The following ERCC1 variants were observed in gnomAD, a reference collection of about 807,000 sequenced individuals.
ERCC1 encodes DNA excision repair protein ERCC-1.
ERCC1 carries 36 observed loss-of-function variants against 37.6 expected under a neutral mutation model. That is an observed-to-expected ratio of 0.96 (90% CI 0.73 to 1.26). ERCC1 has a LOEUF of 1.26. Ranked by LOEUF, ERCC1 falls within the 50% of genes most tolerant of loss-of-function variation. ERCC1 has a pLI of 0.00. For missense variants in ERCC1, 349 were observed against 376.5 expected, an observed-to-expected ratio of 0.93 and a Z score of 0.60; for synonymous variants, 156 against 162.1, an observed-to-expected ratio of 0.96 and a Z score of 0.28.
chr19:45,416,463 C>T (rs1974073177), intron 6 of ERCC1: 1 of 259,216 alleles, frequency 3.9e-6, no homozygotes, highest in Non-Finnish European at 7.6e-6. Flanking sequence ...CCAGCCTGGC[C>T]AACATGGCAA....
chr19:45,437,970 C>G (rs1037974853), intron 1 of ERCC1, among the ~76,000 whole-genome samples: 5 of 151,208 alleles, frequency 3.3e-5, no homozygotes, highest in Non-Finnish European at 7.4e-5. Context: ...TGCAGTGGCA[C>G]AATCTCGGCT....
At chr19:45,414,476 CAAAAA>C in intron 7 of ERCC1, 2 of 246,798 alleles carry the variant, frequency 8.1e-6, no homozygotes. Context: ...GACTCCATCT[CAAAAA>C]AAAAAAAAAG....
At chr19:45,427,153 CAAAA>C (rs372188862), upstream of ERCC1, among the ~76,000 whole-genome samples, 92 of 150,990 alleles carry the variant, frequency 6.1e-4, 2 homozygotes, top group South Asian at 0.018. Context: ...AACAAACAAA[CAAAA>C]AAACGAAAGA....
intron 8 of ERCC1, 102 bp from the exon 9 acceptor site, chr19:45,413,847 G>C: frequency 6.3e-7 from 1 of 1,587,458 alleles, no homozygotes; most frequent in Non-Finnish European, 8.6e-7. Flanking sequence ...ATGAGGGCCT[G>C]TGGGAAGGCA....
intron 1 of ERCC1, among the ~76,000 whole-genome samples, chr19:45,431,769 C>T (rs970057590): frequency 3.3e-5 from 5 of 151,322 alleles, no homozygotes; most frequent in East Asian, 1.9e-4. Flanking sequence ...CGCGTGCCTA[C>T]GTTCTCAGCT....
upstream of ERCC1, among the ~76,000 whole-genome samples, chr19:45,426,837 G>C (rs1317727519): frequency 2.0e-5 from 3 of 151,538 alleles, no homozygotes; most frequent in Non-Finnish European, 2.9e-5. Context: ...GCTCATGCCT[G>C]TAATCCCAGC....
chr19:45,416,697 G>A, intron 6 of ERCC1, 124 bp downstream of exon 6: 1 of 727,432 alleles, frequency 1.4e-6, no homozygotes, highest in South Asian at 1.5e-5. Flanking sequence ...GAAGGCCAGA[G>A]AGAGGCAGTG....
chr19:45,434,785 T>C (rs930354924), intron 1 of ERCC1, among the ~76,000 whole-genome samples: 5 of 149,534 alleles, frequency 3.3e-5, no homozygotes, highest in African/African-American at 1.2e-4. Context: ...ATTTTTATTG[T>C]TTTTTTTGAG....
intron 1 of ERCC1, among the ~76,000 whole-genome samples, chr19:45,438,375 C>T (rs923367580): frequency 2.0e-5 from 3 of 152,122 alleles, no homozygotes; most frequent in African/African-American, 7.2e-5. Flanking sequence ...GCCCTGACAT[C>T]TTGATGTCAA....
Position 45,408,186 on chromosome 19 carries a change from T to C in ERCC1, c.*1489A>G, listed in dbSNP as rs1167269845. 9.9e-6 allele frequency: 16 copies of C among 1,612,744 alleles called. No individual in the cohort carries two copies. The highest frequency in any genetic ancestry group is 1.3e-5 in the African/African-American group (1 of 74,926). On this transcript the variant is annotated 3_prime_UTR_variant, in exon 10 of 10. Transcript: ENST00000300853. ...GGCTCCCAGATCGTCAAGGGCAAAT[T>C]GGCAGGCAAGCGGCACCGCTATCGA...
At chr19:45,439,173 G>A (rs940255890) in intron 1 of ERCC1, among the ~76,000 whole-genome samples, 2 of 151,960 alleles carry the variant, frequency 1.3e-5, no homozygotes, top group African/African-American at 4.8e-5. Context: ...GCGACAGAGC[G>A]AGACTCTGTC....
chr19:45,412,023 ATTTT>A (rs947671887), intron 9 of ERCC1, among the ~76,000 whole-genome samples: 1 of 149,120 alleles, frequency 6.7e-6, no homozygotes, highest in Non-Finnish European at 1.5e-5. Context: ...CACCCAGCTA[ATTTT>A]TTTTTGTATT....
At chr19:45,414,062 C>T (rs770130436) in intron 7 of ERCC1, 28 bp from the exon 8 acceptor site, 94 of 1,597,996 alleles carry the variant, frequency 5.9e-5, no homozygotes, top group Non-Finnish European at 7.4e-5. Flanking sequence ...AGGAGTGTGT[C>T]GGAAGAAGAA....
chr19:45,411,049 T>G (rs1473167373), intron 9 of ERCC1, among the ~76,000 whole-genome samples: 1 of 152,092 alleles, frequency 6.6e-6, no homozygotes, highest in African/African-American at 2.4e-5. Context: ...GTCTTGAACT[T>G]CTGGCCTCAA....
chr19:45,430,073 C>A (rs111988651), intron 1 of ERCC1, among the ~76,000 whole-genome samples: 8 of 152,282 alleles, frequency 5.3e-5, no homozygotes, highest in African/African-American at 1.4e-4. Flanking sequence ...CATGAGCCAC[C>A]GCGTCCAGCC....
chr19:45,409,470 A>C lies in ERCC1; in HGVS notation c.*205T>G. 2 of 1,611,624 alleles carry C rather than the reference A, an allele frequency of 1.2e-6. No individual in the cohort carries two copies. Among genetic ancestry groups the C allele is most frequent in the South Asian group, 2.2e-5 (2 of 90,894 alleles). Reference sequence around the variant, plus strand: ...GAGGCTCCCACAGGCCGGGACAAGAAGCGGAAGCAGCAGCAGCAGCAGCCT... The same window carrying C: ...GAGGCTCCCACAGGCCGGGACAAGACGCGGAAGCAGCAGCAGCAGCAGCCT... On this transcript the variant is annotated 3_prime_UTR_variant, in exon 10 of 10. Coordinates refer to ENST00000300853, the MANE Select transcript of ERCC1 (RefSeq NM_001983.4).
chr19:45,409,136 G>A lies in ERCC1; in HGVS notation c.*539C>T, dbSNP rs762751719. 5 of 1,613,050 alleles carry A rather than the reference G, an allele frequency of 3.1e-6. No homozygotes were observed. In the African/African-American group the frequency reaches 5.3e-5, roughly 17 times the overall value. The stretch of plus-strand genomic sequence containing the variant: ...AGCTCCCAAAAAGAAGACGAAGAAA[G>A]AAAAACAGCAAGATGCCACAGTGGA... On this transcript the variant is annotated 3_prime_UTR_variant, in exon 10 of 10. Transcript: ENST00000300853.
At position 45,420,829 on chromosome 19, in the gene ERCC1, G is replaced by A. The variant is rs928763019; in HGVS notation, c.321+349C>T. ...GTAGAGATGGGGTGTCACCATATTCGCCAGACTGGTCTCGAACTCCTGACC... is the reference window on the plus strand; with the variant it reads ...GTAGAGATGGGGTGTCACCATATTCACCAGACTGGTCTCGAACTCCTGACC... On this transcript the variant is annotated intron_variant, in intron 3 of 9. Coordinates refer to ENST00000300853, the MANE Select transcript of ERCC1 (RefSeq NM_001983.4). The surrounding 1 kb of genome is among the most constrained non-coding windows in gnomAD (Gnocchi z 4.8). 6.6e-6 allele frequency among the ~76,000 whole-genome samples: 1 copy of A among 152,030 alleles called. No homozygotes were observed. Among genetic ancestry groups the A allele is most frequent in the African/African-American group, 2.4e-5 (1 of 41,398 alleles).
chr19:45,411,664 A>T (rs995829585), intron 9 of ERCC1, among the ~76,000 whole-genome samples: 2 of 151,788 alleles, frequency 1.3e-5, no homozygotes, highest in Non-Finnish European at 2.9e-5. Context: ...CATGGTAGCG[A>T]GTGCCTGTAA....
Sources: gnomAD v4.1 joint callset for allele counts (sites outside exome capture counted in the v4.1 genomes callset) on GRCh38, gnomAD v4.1.1 for gene constraint, Gnocchi (gnomAD v3.1) non-coding constraint, MANE v1.5 for transcripts, NCBI Gene and HGNC (gene_info 2026-07-23, HGNC 2026-07-21) for gene names.